The following PLEKHG1 variants were observed in gnomAD, a reference collection of about 807,000 sequenced individuals.
PLEKHG1 encodes the protein pleckstrin homology domain-containing family G member 1.
A neutral mutation model predicts 100.8 loss-of-function variants in PLEKHG1; 44 were observed. The observed-to-expected ratio is 0.44, with a 90% CI of 0.34 to 0.56. The LOEUF is 0.56. Among genes scored for constraint, PLEKHG1 ranks in the 20% least tolerant of loss-of-function variants. The probability of loss-of-function intolerance (pLI) is 0.01; values close to 1 mark genes in which losing one functional copy is unlikely to be tolerated. For missense variants in PLEKHG1, 1,545 were observed against 1,720.9 expected (o/e 0.90, Z 1.81); for synonymous variants, 640 against 662.5 (o/e 0.97, Z 0.52).
intron 3 of PLEKHG1, among the ~76,000 whole-genome samples, chr6:150,715,490 C>CTT (rs35466419): frequency 0.014 from 1,813 of 133,416 alleles, 48 homozygotes; most frequent in African/African-American, 0.046. Context: ...TTTTCTTTTT[C>CTT]TTTTTTTTTT....
intron 10 of PLEKHG1, among the ~76,000 whole-genome samples, chr6:150,817,756 C>T (rs1049895286): frequency 6.6e-6 from 1 of 151,934 alleles, no homozygotes; most frequent in African/African-American, 2.4e-5. Flanking sequence ...CGGGGTTTCA[C>T]CATATTGGCC....
chr6:150,715,944 TA>T (rs1781414991), intron 3 of PLEKHG1, among the ~76,000 whole-genome samples: 1 of 147,802 alleles, frequency 6.8e-6, no homozygotes, highest in African/African-American at 2.5e-5. Flanking sequence ...CCGTCTCTAC[TA>T]AAAATACAAA....
At chr6:150,814,724 T>G (rs1787756285) in intron 10 of PLEKHG1, among the ~76,000 whole-genome samples, 1 of 152,208 alleles carries the variant, frequency 6.6e-6, no homozygotes, top group Non-Finnish European at 1.5e-5. Context: ...TTTGTTTTGT[T>G]TTGAAACAGC....
chr6:150,795,358 T>C (rs1786261121), intron 4 of PLEKHG1, among the ~76,000 whole-genome samples: 1 of 148,804 alleles, frequency 6.7e-6, no homozygotes, highest in Non-Finnish European at 1.5e-5. Flanking sequence ...ATTGTGCCAC[T>C]GCACTCCAGC....
At chr6:150,809,779 G>A in intron 10 of PLEKHG1, 45 bp downstream of exon 11, 2 of 1,451,150 alleles carry the variant, frequency 1.4e-6, no homozygotes, top group East Asian at 2.3e-5. Context: ...AGAGATACAA[G>A]AATCATTTGA....
intron 1 of PLEKHG1, among the ~76,000 whole-genome samples, chr6:150,616,795 T>C (rs1436154434): frequency 6.6e-6 from 1 of 152,262 alleles, no homozygotes; most frequent in Non-Finnish European, 1.5e-5. Context: ...TTCAGCTTAC[T>C]GTCTTGTAAG....
chr6:150,642,938 C>A lies in PLEKHG1; in HGVS notation c.-158+4813C>A, dbSNP rs111364848. The stretch of plus-strand genomic sequence containing the variant: ...TAGCGGTACTTAAGTGAAGCTCATT[C>A]ATTGAAGAAACATTCCCTACTTTTT... On this transcript the variant is annotated intron_variant, in intron 2 of 3. Coordinates refer to the PLEKHG1 transcript ENST00000367326. 9.3e-4 allele frequency among the ~76,000 whole-genome samples: 135 copies of A among 144,756 alleles called. 1 individual carries two copies. Among genetic ancestry groups the A allele is most frequent in the Middle Eastern group, 3.5e-3 (1 of 288 alleles). The allele number at this position is 144,756 out of a possible 152,430, so 95.0% of individuals were successfully genotyped here.
At chr6:150,637,137 T>C (rs1454821244) in intron 1 of PLEKHG1, among the ~76,000 whole-genome samples, 2 of 152,248 alleles carry the variant, frequency 1.3e-5, no homozygotes, top group Admixed American at 1.3e-4. Context: ...CTTATTTCTA[T>C]AGCCAAACTA....
At chr6:150,701,677 G>A (rs1003990448) in intron 3 of PLEKHG1, among the ~76,000 whole-genome samples, 1 of 146,146 alleles carries the variant, frequency 6.8e-6, no homozygotes. Flanking sequence ...CTGTTAGGAA[G>A]GCATTGAATG....
chr6:150,607,322 G>A (rs1776642572), intron 1 of PLEKHG1, among the ~76,000 whole-genome samples: 1 of 152,160 alleles, frequency 6.6e-6, no homozygotes, highest in Non-Finnish European at 1.5e-5. Context: ...ACAGAGCTCA[G>A]CTTTCCATGG....
intron 3 of PLEKHG1, among the ~76,000 whole-genome samples, chr6:150,679,880 A>G (rs920545489): frequency 6.6e-6 from 1 of 152,234 alleles, no homozygotes; most frequent in Admixed American, 6.5e-5. Flanking sequence ...CTGACAGGTG[A>G]GCAGGAACTG....
At chr6:150,755,883 G>T (rs1465421714) in intron 2 of PLEKHG1, among the ~76,000 whole-genome samples, 1 of 152,028 alleles carries the variant, frequency 6.6e-6, no homozygotes, top group African/African-American at 2.4e-5. Context: ...TTTTATTAAA[G>T]ATTTAATTTT....
At position 150,704,094 on chromosome 6, in the gene PLEKHG1, A is replaced by G. The variant is rs552888081; in HGVS notation, c.-98-29490A>G. Among the ~76,000 whole-genome samples the G allele has an allele frequency of 2.6e-5, 4 of 152,324 alleles. No homozygotes were observed. The South Asian group carries it at 6.2e-4, about 24-fold the overall frequency. On this transcript the variant is annotated intron_variant, in intron 3 of 3. Transcript: ENST00000367326. ...AGTTTCGGAGTTGAAAGTATCCTCA[A>G]TGGTTGATGGTCCGACTGACCTGTT...
chr6:150,675,892 A>T (rs1039223447), intron 3 of PLEKHG1, among the ~76,000 whole-genome samples: 1 of 152,264 alleles, frequency 6.6e-6, no homozygotes, highest in Non-Finnish European at 1.5e-5. Flanking sequence ...TTTATTGCAG[A>T]TATCATTAAA....
At chr6:150,675,403 G>A (rs558893708) in intron 3 of PLEKHG1, among the ~76,000 whole-genome samples, 250 of 152,282 alleles carry the variant, frequency 1.6e-3, no homozygotes, top group African/African-American at 5.6e-3. Context: ...TCTCCTGTGC[G>A]TTCATCACAC....
intron 6 of PLEKHG1, 21 bp from the exon 8 acceptor site, chr6:150,804,589 C>T: frequency 7.0e-7 from 1 of 1,428,968 alleles, no homozygotes; most frequent in Non-Finnish European, 9.2e-7. Flanking sequence ...AAAAAAAAAC[C>T]CTCGTTCTTT....
exon 15 of PLEKHG1, chr6:150,830,963 T>A (rs1196831279): frequency 1.2e-6 from 2 of 1,613,872 alleles, no homozygotes; most frequent in East Asian, 2.2e-5. Context: ...GAGCAACACA[T>A]GCCCTCCTGA....
At chr6:150,758,760 G>A (rs1300603805) in intron 2 of PLEKHG1, among the ~76,000 whole-genome samples, 2 of 152,076 alleles carry the variant, frequency 1.3e-5, no homozygotes, top group Admixed American at 1.3e-4. Flanking sequence ...TCTGTGATAC[G>A]GATGCTCTTC....
intron 1 of PLEKHG1, among the ~76,000 whole-genome samples, chr6:150,727,754 T>A (rs1448733772): frequency 6.6e-6 from 1 of 152,248 alleles, no homozygotes; most frequent in Non-Finnish European, 1.5e-5. Context: ...CACAATCCTC[T>A]AAGTGGGTGG....
Sources: gnomAD v4.1 joint callset for allele counts (sites outside exome capture counted in the v4.1 genomes callset) on GRCh38, gnomAD v4.1.1 for gene constraint, MANE v1.5 for transcripts, NCBI Gene and HGNC (gene_info 2026-07-23, HGNC 2026-07-21) for gene names.